Variants in CNKSR3 observed in about 807,000 individuals in gnomAD.
CNKSR3 encodes CNKSR family member 3, also known as connector enhancer of kinase suppressor of ras 3.
CNKSR3 carries 36 observed loss-of-function variants against 67.7 expected under a neutral mutation model. The observed-to-expected ratio is 0.53, with a 90% CI of 0.41 to 0.70. The LOEUF is 0.70. CNKSR3 is among the 30% of genes least tolerant of loss of function. The pLI, the probability that CNKSR3 is intolerant of heterozygous loss-of-function variation, is 0.00. For synonymous variants in CNKSR3, 281 were observed against 271.4 expected (o/e 1.04, Z -0.35); for missense variants, 630 against 695.2 (o/e 0.91, Z 1.05).
chr6:154,506,423 T>C (rs1787104962), intron 1 of CNKSR3, among the ~76,000 whole-genome samples: 1 of 152,228 alleles, frequency 6.6e-6, no homozygotes, highest in Non-Finnish European at 1.5e-5. Context: ...GGTGGCCATG[T>C]GACATTTCTG....
chr6:154,496,084 A>G (rs1582903632), intron 1 of CNKSR3, among the ~76,000 whole-genome samples: 1 of 152,162 alleles, frequency 6.6e-6, no homozygotes, highest in African/African-American at 2.4e-5. Context: ...GGCCGTCACT[A>G]TACATGACGT....
At chr6:154,451,503 GCACA>G (rs1386688657) in intron 1 of CNKSR3, among the ~76,000 whole-genome samples, 4 of 14,348 alleles carry the variant, frequency 2.8e-4, no homozygotes, top group East Asian at 0.013. Flanking sequence ...ACGCATACAT[GCACA>G]CACACGCGCA....
chr6:154,414,132 A>G (rs902095063), intron 10 of CNKSR3, among the ~76,000 whole-genome samples, 167 bp downstream of exon 10: 1 of 152,112 alleles, frequency 6.6e-6, no homozygotes, highest in Non-Finnish European at 1.5e-5. Context: ...ATATGTCCCT[A>G]CACTCCTATA....
rs1309301384 is a variant in CNKSR3, at chr6:154,389,615, C to G, written c.*16739G>C. 1 of 152,176 alleles carries G rather than the reference C, an allele frequency of 6.6e-6. No homozygotes were observed. Among genetic ancestry groups the G allele is most frequent in the East Asian group, 1.9e-4 (1 of 5,204 alleles). 9.4% of individuals were successfully genotyped at this position (152,176 alleles called of 1,614,324 possible). ...TATGGACTGTAGAATTGTTTTGTCCCTGTCTTCAGATGACATCGTCTCATA... is the reference window on the plus strand; with the variant it reads ...TATGGACTGTAGAATTGTTTTGTCCGTGTCTTCAGATGACATCGTCTCATA... On this transcript the variant is annotated 3_prime_UTR_variant, in exon 13 of 13. Transcript: ENST00000607772.
chr6:154,460,938 C>T (rs1457424867), intron 1 of CNKSR3, among the ~76,000 whole-genome samples: 1 of 152,168 alleles, frequency 6.6e-6, no homozygotes, highest in African/African-American at 2.4e-5. Flanking sequence ...GTGAGCACAT[C>T]CATCACTTCT....
At position 154,461,243 on chromosome 6, in the gene CNKSR3, C is replaced by T. The variant is rs568037428; in HGVS notation, c.53-10985G>A. On this transcript the variant is annotated intron_variant, in intron 1 of 12. Transcript: ENST00000607772. ...AAAAAGGCAAAGCTAAGACAGAACC[C>T]GGACCTCAACTGGGCACCTAGATCC... is the stretch of plus-strand genomic sequence containing the variant. 1.7e-3 allele frequency among the ~76,000 whole-genome samples: 261 copies of T among 152,132 alleles called. 1 individual carries two copies. The highest frequency in any genetic ancestry group is 5.9e-3 in the African/African-American group (246 of 41,500).
chr6:154,436,731 T>C (rs1388664178), intron 4 of CNKSR3, among the ~76,000 whole-genome samples: 3 of 152,106 alleles, frequency 2.0e-5, no homozygotes, highest in Non-Finnish European at 2.9e-5. Context: ...TATTTCAGTT[T>C]TCATGGCATC....
At position 154,392,209 on chromosome 6, in the gene CNKSR3, CA is replaced by C. The variant is rs11435288; in HGVS notation, c.*14144del. On this transcript the variant is annotated 3_prime_UTR_variant, in exon 13 of 13. Coordinates refer to ENST00000607772, the MANE Select transcript of CNKSR3 (RefSeq NM_173515.4). ...TGGGCAACAGAGAGAGACTCCATCT[CA>C]AAAAAAAAAAAAGAGTGTACCATTA... The C allele has an allele frequency of 1.5e-3, 210 of 135,700 alleles. No homozygotes were observed. Among genetic ancestry groups the C allele is most frequent in the South Asian group, 3.8e-3 (16 of 4,256 alleles). The allele number at this position is 135,700 out of a possible 1,614,324, so 8.4% of individuals were successfully genotyped here. A position where few individuals can be genotyped will look rare whatever the true frequency, so the allele number is the denominator to read the frequency against.
chr6:154,462,428 G>A (rs1018060927), intron 1 of CNKSR3, among the ~76,000 whole-genome samples: 1 of 152,170 alleles, frequency 6.6e-6, no homozygotes, highest in Non-Finnish European at 1.5e-5. Context: ...GTGGTTTTGT[G>A]TGATTGGCTT....
chr6:154,425,971 C>G (rs1407528232), intron 7 of CNKSR3, among the ~76,000 whole-genome samples: 1 of 152,138 alleles, frequency 6.6e-6, no homozygotes, highest in African/African-American at 2.4e-5. Context: ...ATAAAATATC[C>G]AGATTGAGCC....
intron 9 of CNKSR3, 158 bp from the exon 10 acceptor site, chr6:154,414,581 ATTC>A: frequency 1.3e-6 from 1 of 784,094 alleles, no homozygotes; most frequent in South Asian, 1.5e-5. Context: ...TTTAACTTAC[ATTC>A]TTCTTTGAAA....
chr6:154,459,466 G>C (rs909948846), intron 1 of CNKSR3, among the ~76,000 whole-genome samples: 1 of 152,194 alleles, frequency 6.6e-6, no homozygotes, highest in Admixed American at 6.5e-5. Context: ...ATGCAGAAGA[G>C]AAAATAAAAG....
At chr6:154,458,527 T>C (rs895916815) in intron 1 of CNKSR3, among the ~76,000 whole-genome samples, 9 of 152,124 alleles carry the variant, frequency 5.9e-5, no homozygotes, top group Admixed American at 2.0e-4. Context: ...CAGGCAGTCA[T>C]TCAACCACAC....
At chr6:154,502,449 G>A (rs1447002419) in intron 1 of CNKSR3, among the ~76,000 whole-genome samples, 5 of 151,284 alleles carry the variant, frequency 3.3e-5, no homozygotes, top group South Asian at 4.2e-4. Context: ...CACCCACCTC[G>A]GCCTCCCAAA....
rs1028963537 is a variant in CNKSR3, at chr6:154,400,943, T to G, written c.*5411A>C. The G allele has an allele frequency of 2.0e-5, 3 of 152,180 alleles. No individual in the cohort carries two copies. The highest frequency in any genetic ancestry group is 6.5e-5 in the Admixed American group (1 of 15,272). 9.4% of individuals were successfully genotyped at this position (152,180 alleles called of 1,614,324 possible). ...ATGCTATAGGCTACAAAATATATAT[T>G]TAAATTCCCTTAGGTATTACCAAAT... On this transcript the variant is annotated 3_prime_UTR_variant, in exon 13 of 13. Transcript: ENST00000607772.
chr6:154,476,044 T>C (rs4398752), intron 1 of CNKSR3, among the ~76,000 whole-genome samples: 29,838 of 151,708 alleles, frequency 0.2, 3,670 homozygotes, highest in Non-Finnish European at 0.26. Context: ...TTTTCGGATA[T>C]GGATGGTTCA....
intron 12 of CNKSR3, 31 bp downstream of exon 12, chr6:154,410,312 C>T (rs1292154863): frequency 1.3e-6 from 2 of 1,538,094 alleles, no homozygotes; most frequent in Admixed American, 3.3e-5. Context: ...TCCCCATTTG[C>T]TGTTCCTTGG....
At chr6:154,409,535 A>G (rs1282882144) in intron 12 of CNKSR3, among the ~76,000 whole-genome samples, 1 of 152,134 alleles carries the variant, frequency 6.6e-6, no homozygotes. Flanking sequence ...TCCAAAAATA[A>G]AAGCAACAAA....
chr6:154,497,363 C>G (rs1333500507), intron 1 of CNKSR3, among the ~76,000 whole-genome samples: 1 of 151,974 alleles, frequency 6.6e-6, no homozygotes, highest in Non-Finnish European at 1.5e-5. Context: ...TGCACTCCAG[C>G]CTGGGTGACA....
Sources: gnomAD v4.1 joint callset for allele counts (sites outside exome capture counted in the v4.1 genomes callset) on GRCh38, gnomAD v4.1.1 for gene constraint, MANE v1.5 for transcripts, NCBI Gene and HGNC (gene_info 2026-07-23, HGNC 2026-07-21) for gene names.